ARHGEF19: variants seen among roughly 807,000 people sequenced by gnomAD.
ARHGEF19 encodes Rho guanine nucleotide exchange factor 19.
ARHGEF19 carries 92 observed loss-of-function variants against 87.6 expected under a neutral mutation model. That is an observed-to-expected ratio of 1.05 (90% CI 0.89 to 1.25). The LOEUF (loss-of-function observed/expected upper bound fraction) is 1.25. Ranked by LOEUF, ARHGEF19 falls within the 50% of genes most tolerant of loss-of-function variation. ARHGEF19 has a pLI of 0.00. For synonymous variants in ARHGEF19, 438 were observed against 446.2 expected (o/e 0.98, Z 0.23); for missense variants, 1,054 against 1,051.8 (o/e 1.00, Z -0.03).
In ARHGEF19 at chr1:16,206,032, G is replaced by A. The variant is rs1421788945; in HGVS notation, c.1350C>T (p.Ser450=). Reference sequence around the variant, plus strand: ...AGTGGTCCAGCACCACGTCGCACACGCTGAAGCGCAGCACATCTGCCTCCA... The same window carrying A: ...AGTGGTCCAGCACCACGTCGCACACACTGAAGCGCAGCACATCTGCCTCCA... ...QRLEADVLRF[S]VCDVVLDHCP... Residue 450 remains serine (S), a synonymous_variant, in exon 8 of 16, where the codon AGC becomes AGT. Coordinates refer to ENST00000270747, the MANE Select transcript of ARHGEF19 (RefSeq NM_153213.5). This position sits in a 1 kb window ranked among gnomAD's most constrained non-coding sequence, Gnocchi z 4.6. 1 of 1,595,434 alleles carries A rather than the reference G, an allele frequency of 6.3e-7. No homozygotes were observed. Among genetic ancestry groups the A allele is most frequent in the Middle Eastern group, 1.7e-4 (1 of 6,008 alleles).
chr1:16,208,527 T>A (rs2081166824), intron 2 of ARHGEF19, 116 bp downstream of exon 2: 7 of 1,347,704 alleles, frequency 5.2e-6, no homozygotes, highest in Non-Finnish European at 6.9e-6. Context: ...ATCACTAATC[T>A]ACCACTTGTC....
In ARHGEF19 at chr1:16,206,806, A is replaced by C; in HGVS notation, c.1137+142T>G. 11 of 1,118,424 alleles carry C rather than the reference A, an allele frequency of 9.8e-6. No homozygotes were observed. The highest frequency in any genetic ancestry group is 1.8e-5 in the South Asian group (1 of 54,058). The allele number at this position is 1,118,424 out of a possible 1,614,324, so 69.3% of individuals were successfully genotyped here. ...AGACGGCCTCGTGTAGTCAGGTCCT[A>C]GAGCCAACCTTCCGCGCGGACAGTC... On this transcript the variant is annotated intron_variant, in intron 6 of 15. Coordinates refer to ENST00000270747, the MANE Select transcript of ARHGEF19 (RefSeq NM_153213.5). The surrounding 1 kb of genome is among the most constrained non-coding windows in gnomAD (Gnocchi z 4.6).
intron 13 of ARHGEF19, 142 bp downstream of exon 13, chr1:16,202,274 G>C: frequency 7.9e-7 from 1 of 1,273,170 alleles, no homozygotes; most frequent in Middle Eastern, 2.8e-4. Flanking sequence ...GCCCAAGTCA[G>C]GGAAGAGTTG....
intron 1 of ARHGEF19, among the ~76,000 whole-genome samples, chr1:16,210,227 C>A (rs2081186587): frequency 6.6e-6 from 1 of 152,188 alleles, no homozygotes. Flanking sequence ...GGGGAGATCC[C>A]ACCCAGACAA....
rs1260048834 is a variant in ARHGEF19, at chr1:16,207,754, G to C, written c.718C>G (p.Arg240Gly). The C allele has an allele frequency of 4.3e-6, 7 of 1,613,906 alleles. No individual in the cohort carries two copies. The African/African-American group carries it at 6.7e-5, about 15-fold the overall frequency. ...CGGTCCCCGCTCATCTCTACACTTC[G>C]AGCCTCCATTCCAGATGCTTTCCCT... ...REGKASGMEA[R>G]SVEMSGDRVS... is the part of the protein sequence containing the mutation. The change falls in exon 4 of 16, where the codon CGA becomes GGA. Residue 240 changes from arginine (R) to glycine (G), a missense_variant. Transcript: ENST00000270747. The surrounding 1 kb of genome is among the most constrained non-coding windows in gnomAD (Gnocchi z 4.0).
intron 2 of ARHGEF19, 142 bp downstream of exon 2, chr1:16,208,501 C>T: frequency 8.5e-7 from 1 of 1,178,212 alleles, no homozygotes; most frequent in Non-Finnish European, 1.2e-6. Flanking sequence ...CTTCCCTGAG[C>T]CCCACTAGTT....
At chr1:16,200,207 C>T (rs758654646) in intron 14 of ARHGEF19, among the ~76,000 whole-genome samples, 2 of 152,238 alleles carry the variant, frequency 1.3e-5, no homozygotes, top group African/African-American at 2.4e-5. Context: ...GGCCAGACCT[C>T]GCTTGAATCC....
rs755902861 is a variant in ARHGEF19 at position 16,204,896 on chromosome 1, G to A, written c.1770C>T (p.Ala590=). 1 of 1,603,524 alleles carries A rather than the reference G, an allele frequency of 6.2e-7. No individual in the cohort carries two copies. Among genetic ancestry groups the A allele is most frequent in the Non-Finnish European group, 8.5e-7 (1 of 1,174,858 alleles). ...EGKIFPLISQ[A]RWLVRHGELV... The stretch of plus-strand genomic sequence containing the variant: ...ACTCTCCATGCCGAACCAGCCAGCG[G>A]GCCTGAGAGATCAGCGGGAAAATCT... The change falls in exon 12 of 16, where the codon GCC becomes GCT. Residue 590 remains alanine (A), a synonymous_variant. Coordinates refer to ENST00000270747, the MANE Select transcript of ARHGEF19 (RefSeq NM_153213.5).
chr1:16,203,334 T>C (rs2081099251), intron 12 of ARHGEF19, among the ~76,000 whole-genome samples: 1 of 152,284 alleles, frequency 6.6e-6, no homozygotes, highest in Admixed American at 6.5e-5. Flanking sequence ...TCAGACGTCA[T>C]GCTCACCTCT....
chr1:16,205,232 C>G lies in ARHGEF19; in HGVS notation c.1657-56G>C. On this transcript the variant is annotated intron_variant, in intron 10 of 15. Coordinates refer to ENST00000270747, the MANE Select transcript of ARHGEF19 (RefSeq NM_153213.5). This position sits in a 1 kb window ranked among gnomAD's most constrained non-coding sequence, Gnocchi z 5.8. ...CCCCTCAGCTCCGGCTCCCAGAGCC[C>G]AGCCTCAGACTCTTGCCTGGGGACC... 1 of 1,593,238 alleles carries G rather than the reference C, an allele frequency of 6.3e-7. No individual in the cohort carries two copies. The highest frequency in any genetic ancestry group is 8.6e-7 in the Non-Finnish European group (1 of 1,167,838).
intron 12 of ARHGEF19, among the ~76,000 whole-genome samples, chr1:16,203,483 G>C (rs968199622): frequency 6.6e-6 from 1 of 152,032 alleles, no homozygotes. Context: ...AAGACCCTCT[G>C]GCCTCTCCCC....
chr1:16,206,703 C>T lies in ARHGEF19; in HGVS notation c.1137+245G>A, dbSNP rs1050561868. On this transcript the variant is annotated intron_variant, in intron 6 of 15. Coordinates refer to ENST00000270747, the MANE Select transcript of ARHGEF19 (RefSeq NM_153213.5). The surrounding 1 kb of genome is among the most constrained non-coding windows in gnomAD (Gnocchi z 4.6). Reference sequence around the variant, plus strand: ...GCCCTGTCCTATCCTAGGTTTCGTCCCGCTGGCTCCGCCCCCTACCCGCAC... The same window carrying T: ...GCCCTGTCCTATCCTAGGTTTCGTCTCGCTGGCTCCGCCCCCTACCCGCAC... Among the ~76,000 whole-genome samples the T allele has an allele frequency of 1.3e-5, 2 of 151,788 alleles. No homozygotes were observed. Among genetic ancestry groups the T allele is most frequent in the Admixed American group, 1.3e-4 (2 of 15,240 alleles).
rs1282810521 is a variant in ARHGEF19, at chr1:16,206,099, C to T, written c.1299-16G>A. 6.3e-7 allele frequency: 1 copy of T among 1,575,498 alleles called. No individual in the cohort carries two copies. The highest frequency in any genetic ancestry group is 8.6e-7 in the Non-Finnish European group (1 of 1,159,840). On this transcript the variant is annotated splice_polypyrimidine_tract_variant and intron_variant, in intron 7 of 15. Transcript: ENST00000270747. This position sits in a 1 kb window ranked among gnomAD's most constrained non-coding sequence, Gnocchi z 4.6. ...CTGCAGGAACCTGAGGAGTCAGAGC[C>T]AGGATGGAGACCCCAGATCTGGGAG...
chr1:16,206,824 G>T lies in ARHGEF19; in HGVS notation c.1137+124C>A. The T allele has an allele frequency of 8.1e-7, 1 of 1,235,586 alleles. No homozygotes were observed. The highest frequency in any genetic ancestry group is 1.8e-5 in the South Asian group (1 of 55,250). The allele number at this position is 1,235,586 out of a possible 1,614,324, so 76.5% of individuals were successfully genotyped here. On this transcript the variant is annotated intron_variant, in intron 6 of 15. Coordinates refer to ENST00000270747, the MANE Select transcript of ARHGEF19 (RefSeq NM_153213.5). This position sits in a 1 kb window ranked among gnomAD's most constrained non-coding sequence, Gnocchi z 4.6. ...AGGTCCTAGAGCCAACCTTCCGCGCGGACAGTCGCGCCAGCAACCCCCTTT... is the reference window on the plus strand; with the variant it reads ...AGGTCCTAGAGCCAACCTTCCGCGCTGACAGTCGCGCCAGCAACCCCCTTT...
chr1:16,207,273 C>A lies in ARHGEF19; in HGVS notation c.875-63G>T. 1 of 1,458,908 alleles carries A rather than the reference C, an allele frequency of 6.9e-7. No individual in the cohort carries two copies. The highest frequency in any genetic ancestry group is 1.4e-5 in the South Asian group (1 of 71,432). 90.4% of individuals were successfully genotyped at this position (1,458,908 alleles called of 1,614,324 possible). ...CGCCAGCCCCTGCCCGGCTTTTCCT[C>A]GGTTCCCTCAAGAGCCCGCGTCACT... On this transcript the variant is annotated intron_variant, in intron 5 of 15. Transcript: ENST00000270747. This position sits in a 1 kb window ranked among gnomAD's most constrained non-coding sequence, Gnocchi z 4.0.
chr1:16,201,820 C>A lies in ARHGEF19; in HGVS notation c.2108G>T (p.Ser703Ile), dbSNP rs200360405. 3.1e-6 allele frequency: 5 copies of A among 1,613,898 alleles called. No homozygotes were observed. The East Asian group carries it at 1.1e-4, about 36-fold the overall frequency. Reference sequence around the variant, plus strand: ...GATGACCTCCTTGTCCTCCTGGGGGCTGGAGGGGCACAAGGCTGAGATCCA... The same window carrying A: ...GATGACCTCCTTGTCCTCCTGGGGGATGGAGGGGCACAAGGCTGAGATCCA... ...QRWISALCPSSPQEDKEVISE... is the reference protein window; with the variant it reads ...QRWISALCPSIPQEDKEVISE... Residue 703 changes from serine to isoleucine, a missense_variant, in exon 14 of 16, where the codon AGC becomes ATC. Transcript: ENST00000270747.
rs221051 is a variant in ARHGEF19 at position 16,206,353 on chromosome 1, A to G, written c.1138-13T>C. 412,130 of 1,570,100 alleles carry G rather than the reference A, an allele frequency of 0.26. 57,103 individuals are homozygous for G. Among genetic ancestry groups the G allele is most frequent in the Admixed American group, 0.42 (21,776 of 51,874 alleles). ...GCTCAAACTTGGCCTGAGGGAGGGC[A>G]CACACGGGGTCGAAAGGGCAGGACC... On this transcript the variant is annotated splice_polypyrimidine_tract_variant and intron_variant, in intron 6 of 15. Coordinates refer to ENST00000270747, the MANE Select transcript of ARHGEF19 (RefSeq NM_153213.5). This position sits in a 1 kb window ranked among gnomAD's most constrained non-coding sequence, Gnocchi z 4.6.
Position 16,207,187 on chromosome 1 carries a change from C to A in ARHGEF19, c.898G>T (p.Asp300Tyr), listed in dbSNP as rs1209289139. ...LNSVLYQEYSDVASARELRRQ... is the reference protein window; with the variant it reads ...LNSVLYQEYSYVASARELRRQ... ...CGCAGTTCGCGGGCGCTGGCCACGTCGCTGTATTCCTGATAGAGGACGGCT... is the reference window on the plus strand; with the variant it reads ...CGCAGTTCGCGGGCGCTGGCCACGTAGCTGTATTCCTGATAGAGGACGGCT... The change falls in exon 6 of 16, where the codon GAC (aspartate) becomes TAC (tyrosine). Residue 300 changes from aspartate to tyrosine, a missense_variant. Physicochemically the swap from Asp to Tyr is radical, Grantham distance 160. Transcript: ENST00000270747. This position sits in a 1 kb window ranked among gnomAD's most constrained non-coding sequence, Gnocchi z 4.0. The A allele has an allele frequency of 2.0e-5, 30 of 1,532,116 alleles. No individual in the cohort carries two copies. Among genetic ancestry groups the A allele is most frequent in the Non-Finnish European group, 2.0e-5 (23 of 1,143,532 alleles). 94.9% of individuals were successfully genotyped at this position (1,532,116 alleles called of 1,614,324 possible). A position where few individuals can be genotyped will look rare whatever the true frequency, so the allele number is the denominator to read the frequency against.
In ARHGEF19 at chr1:16,206,111, C is replaced by T. The variant is rs1353887709; in HGVS notation, c.1299-28G>A. 1 of 1,574,004 alleles carries T rather than the reference C, an allele frequency of 6.4e-7. No individual in the cohort carries two copies. Among genetic ancestry groups the T allele is most frequent in the Admixed American group, 1.9e-5 (1 of 53,474 alleles). ...GAGGAGTCAGAGCCAGGATGGAGAC[C>T]CCAGATCTGGGAGCTGGCCAACCAC... On this transcript the variant is annotated intron_variant, in intron 7 of 15. Coordinates refer to ENST00000270747, the MANE Select transcript of ARHGEF19 (RefSeq NM_153213.5). This position sits in a 1 kb window ranked among gnomAD's most constrained non-coding sequence, Gnocchi z 4.6.
Sources: gnomAD v4.1 joint callset for allele counts (sites outside exome capture counted in the v4.1 genomes callset) on GRCh38, gnomAD v4.1.1 for gene constraint, Gnocchi (gnomAD v3.1) non-coding constraint, MANE v1.5 for transcripts, NCBI Gene and HGNC (gene_info 2026-07-23, HGNC 2026-07-21) for gene names.